ZFPM2: variants seen among roughly 807,000 people sequenced by gnomAD.
The protein encoded by ZFPM2 is zinc finger protein, FOG family member 2.
ZFPM2 carries 20 observed loss-of-function variants against 98.6 expected under a neutral mutation model. The observed-to-expected ratio is 0.20, with a 90% confidence interval of 0.14 to 0.29. The LOEUF is 0.29. Among genes scored for constraint, ZFPM2 ranks in the 10% least tolerant of loss-of-function variants. The pLI is 1.00. For missense variants in ZFPM2, 1,310 were observed against 1,388.6 expected (o/e 0.94, Z 0.90); for synonymous variants, 518 against 502.7 (o/e 1.03, Z -0.41).
chr8:105,765,386 T>C (rs1812834243), intron 5 of ZFPM2, among the ~76,000 whole-genome samples: 1 of 151,882 alleles, frequency 6.6e-6, no homozygotes, highest in South Asian at 2.1e-4. Context: ...CAGTTCTGCA[T>C]TTAGCCACAG....
At chr8:105,738,138 ATTAG>A (rs1054250618) in intron 5 of ZFPM2, among the ~76,000 whole-genome samples, 1 of 151,942 alleles carries the variant, frequency 6.6e-6, no homozygotes, top group Admixed American at 6.6e-5. Context: ...CCTCGTATTC[ATTAG>A]TTATTTTTCC....
chr8:105,700,114 A>G (rs1811108527), intron 5 of ZFPM2, among the ~76,000 whole-genome samples: 1 of 152,212 alleles, frequency 6.6e-6, no homozygotes, highest in South Asian at 2.1e-4. Flanking sequence ...AATGGAAGTT[A>G]GCTGAGACGC....
chr8:105,708,030 G>A (rs72673800), intron 5 of ZFPM2, among the ~76,000 whole-genome samples: 19,066 of 152,172 alleles, frequency 0.13, 1,506 homozygotes, highest in South Asian at 0.29. Flanking sequence ...CCCTAACTGC[G>A]AGAGAGGCTG....
At chr8:105,785,769 T>G (rs1159266827) in intron 5 of ZFPM2, among the ~76,000 whole-genome samples, 1 of 151,462 alleles carries the variant, frequency 6.6e-6, no homozygotes, top group Non-Finnish European at 1.5e-5. Flanking sequence ...TTGGCCGGGC[T>G]TGGTGGCTCA....
intron 4 of ZFPM2, among the ~76,000 whole-genome samples, chr8:105,633,662 G>A (rs570813914): frequency 1.3e-4 from 20 of 152,198 alleles, no homozygotes; most frequent in South Asian, 1.2e-3. Context: ...CTCTTTTACA[G>A]TCTTTCTGGA....
intron 4 of ZFPM2, among the ~76,000 whole-genome samples, chr8:105,566,970 T>A (rs1372997296): frequency 1.3e-5 from 2 of 152,158 alleles, no homozygotes; most frequent in African/African-American, 4.8e-5. Context: ...GTTGACCTAA[T>A]AATGAAATAA....
chr8:105,591,286 G>A (rs1815837886), intron 4 of ZFPM2, among the ~76,000 whole-genome samples: 1 of 150,796 alleles, frequency 6.6e-6, no homozygotes, highest in Non-Finnish European at 1.5e-5. Context: ...AAAACCAAGT[G>A]GCATCTAAAT....
intron 1 of ZFPM2, among the ~76,000 whole-genome samples, chr8:105,403,990 T>TAAA (rs1048377055): frequency 5.5e-5 from 7 of 127,660 alleles, no homozygotes; most frequent in East Asian, 2.3e-4. Context: ...TTATTGGTGT[T>TAAA]AAAACAACAA....
chr8:105,770,528 C>G (rs1433621805), intron 5 of ZFPM2, among the ~76,000 whole-genome samples: 2 of 151,948 alleles, frequency 1.3e-5, no homozygotes, highest in Non-Finnish European at 2.9e-5. Context: ...CCCACATTAT[C>G]GTGAATAAAA....
chr8:105,689,691 A>G (rs190419390), intron 5 of ZFPM2, among the ~76,000 whole-genome samples: 26 of 152,304 alleles, frequency 1.7e-4, no homozygotes, highest in African/African-American at 6.3e-4. Context: ...GATGATGATG[A>G]TGATGGTGAT....
chr8:105,721,534 T>C (rs1447897242), intron 5 of ZFPM2, among the ~76,000 whole-genome samples: 1 of 151,986 alleles, frequency 6.6e-6, no homozygotes, highest in Non-Finnish European at 1.5e-5. Flanking sequence ...AAGTAATATA[T>C]GTTCATTGGA....
chr8:105,617,824 C>A (rs536073079), intron 4 of ZFPM2, among the ~76,000 whole-genome samples: 1 of 152,100 alleles, frequency 6.6e-6, no homozygotes, highest in South Asian at 2.1e-4. Flanking sequence ...AAAATCTATT[C>A]TATGTTATAA....
intron 3 of ZFPM2, among the ~76,000 whole-genome samples, chr8:105,475,920 A>G (rs569923606): frequency 6.6e-6 from 1 of 152,350 alleles, no homozygotes; most frequent in Admixed American, 6.5e-5. Context: ...TGAGATGTAC[A>G]TCATAAATAT....
intron 1 of ZFPM2, among the ~76,000 whole-genome samples, chr8:105,350,675 T>C (rs1812623596): frequency 1.3e-5 from 2 of 152,168 alleles, no homozygotes; most frequent in Non-Finnish European, 2.9e-5. Flanking sequence ...GTCATCTTAA[T>C]GGATATTTTA....
chr8:105,742,268 C>T (rs777985200), intron 5 of ZFPM2, among the ~76,000 whole-genome samples: 13 of 151,188 alleles, frequency 8.6e-5, no homozygotes, highest in Non-Finnish European at 1.5e-4. Context: ...GTCCCAGCTA[C>T]TTGGGATGCT....
At chr8:105,710,092 C>CT (rs367622436) in intron 5 of ZFPM2, among the ~76,000 whole-genome samples, 18,793 of 142,968 alleles carry the variant, frequency 0.13, 1,431 homozygotes, top group South Asian at 0.31. Flanking sequence ...TAGTCTGATC[C>CT]TTTTTTTTTT....
At chr8:105,795,723 G>GAACTT (rs34538840) in intron 6 of ZFPM2, 11 of 410,392 alleles carry the variant, frequency 2.7e-5, no homozygotes, top group South Asian at 5.5e-5. Context: ...AAAAGAAATT[G>GAACTT]AACTTAACTT....
intron 1 of ZFPM2, among the ~76,000 whole-genome samples, chr8:105,409,766 A>G (rs1811539513): frequency 6.6e-6 from 1 of 151,940 alleles, no homozygotes; most frequent in African/African-American, 2.4e-5. Flanking sequence ...TTGTTAAAAC[A>G]TGGATTGATG....
At chr8:105,620,130 T>G (rs565784191) in intron 4 of ZFPM2, among the ~76,000 whole-genome samples, 94 of 152,234 alleles carry the variant, frequency 6.2e-4, no homozygotes, top group Middle Eastern at 3.4e-3. Flanking sequence ...ATGGTTGAAC[T>G]AGTTTACAGT....
Sources: gnomAD v4.1 joint callset for allele counts (sites outside exome capture counted in the v4.1 genomes callset) on GRCh38, gnomAD v4.1.1 for gene constraint, MANE v1.5 for transcripts, NCBI Gene and HGNC (gene_info 2026-07-23, HGNC 2026-07-21) for gene names.